Variants in ZMYND8 observed in about 807,000 individuals in gnomAD.
ZMYND8 encodes MYND-type zinc finger-containing chromatin reader ZMYND8.
A neutral mutation model predicts 140.8 loss-of-function variants in ZMYND8; 37 were observed. That is an observed-to-expected ratio of 0.26 (90% CI 0.20 to 0.35). ZMYND8 has a LOEUF of 0.35. Ranked by LOEUF, ZMYND8 falls within the 10% of genes least tolerant of loss-of-function variation. The pLI is 1.00. For missense variants in ZMYND8, 1,068 were observed against 1,570.0 expected, an observed-to-expected ratio of 0.68 and a Z score of 5.40; for synonymous variants, 592 against 597.1, an observed-to-expected ratio of 0.99 and a Z score of 0.12.
At chr20:47,249,590 G>T in intron 12 of ZMYND8, 151 bp from the exon 13 acceptor site, 1 of 1,094,338 alleles carries the variant, frequency 9.1e-7, no homozygotes. Flanking sequence ...AATATCATCT[G>T]CTCAACCAAA....
chr20:47,232,279 C>T (rs867437768), intron 16 of ZMYND8, among the ~76,000 whole-genome samples: 16 of 152,138 alleles, frequency 1.1e-4, no homozygotes, highest in East Asian at 3.9e-4. Context: ...GAAGGTGAGG[C>T]GAGAGAATCG....
chr20:47,238,800 A>G lies in ZMYND8; in HGVS notation c.2623T>C (p.Ser875Pro), dbSNP rs1173047586. ...QQQNQQQQPQ[S>P]SQGTRYQTRQ... The stretch of plus-strand genomic sequence containing the variant: ...GTCTGATATCTCGTCCCCTGGGAAG[A>G]CTGAGGCTGCTGCTGCTGGTTTTGC... The change falls in exon 15 of 23, where the codon TCT becomes CCT. Residue 875 changes from serine to proline, a missense_variant. Ser to Pro is a moderately conservative substitution (Grantham distance 74). Around this residue, in one of 10 missense-constraint regions of ZMYND8, gnomAD observed 383 missense variants for 431.2 expected, o/e 0.89. Coordinates refer to ENST00000471951, the MANE Select transcript of ZMYND8 (RefSeq NM_001281775.3). The G allele has an allele frequency of 6.2e-7, 1 of 1,612,444 alleles. No homozygotes were observed. Among genetic ancestry groups the G allele is most frequent in the Admixed American group, 1.7e-5 (1 of 59,972 alleles).
Position 47,239,069 on chromosome 20 carries a change from C to A in ZMYND8, c.2354G>T (p.Arg785Leu). ...HSPPETPVLT[R>L]SSAQTSAAGA... ...AGCCGCGGAAGTTTGGGCGGAAGAG[C>A]GGGTGAGCACCGGTGTTTCCGGGGG... Residue 785 changes from arginine (R) to leucine (L), a missense_variant, in exon 15 of 23, where the codon CGC becomes CTC. This residue lies in a region of ZMYND8 where 383 missense variants were observed against 431.2 expected (regional missense o/e 0.89). Coordinates refer to ENST00000471951, the MANE Select transcript of ZMYND8 (RefSeq NM_001281775.3). 1 of 1,555,044 alleles carries A rather than the reference C, an allele frequency of 6.4e-7. No homozygotes were observed.
chr20:47,326,635 G>T (rs1209378405), intron 2 of ZMYND8, among the ~76,000 whole-genome samples: 1 of 152,118 alleles, frequency 6.6e-6, no homozygotes, highest in South Asian at 2.1e-4. Flanking sequence ...CTCCCTCTGG[G>T]TTCTCCAAGT....
intron 16 of ZMYND8, among the ~76,000 whole-genome samples, chr20:47,230,797 CA>C (rs1249057093): frequency 1.3e-5 from 2 of 152,028 alleles, no homozygotes; most frequent in Non-Finnish European, 2.9e-5. Flanking sequence ...TTCATTACCC[CA>C]AAAAGAAAAT....
At chr20:47,334,509 G>A (rs2081227044) in intron 2 of ZMYND8, among the ~76,000 whole-genome samples, 1 of 151,698 alleles carries the variant, frequency 6.6e-6, no homozygotes, top group Non-Finnish European at 1.5e-5. Context: ...CGGGGGAATG[G>A]GAAGTGACTG....
chr20:47,272,131 G>T (rs1397509532), intron 11 of ZMYND8, among the ~76,000 whole-genome samples: 1 of 151,668 alleles, frequency 6.6e-6, no homozygotes, highest in African/African-American at 2.4e-5. Context: ...AGGCTGGAGT[G>T]CAGTGGTGCG....
At chr20:47,231,098 T>C (rs1420815490) in intron 16 of ZMYND8, among the ~76,000 whole-genome samples, 1 of 152,190 alleles carries the variant, frequency 6.6e-6, no homozygotes, top group Non-Finnish European at 1.5e-5. Context: ...TTTAACTATC[T>C]GACCCCTGAA....
intron 1 of ZMYND8, 176 bp from the exon 2 acceptor site, chr20:47,348,102 G>T: frequency 1.5e-6 from 1 of 649,128 alleles, no homozygotes; most frequent in Non-Finnish European, 2.7e-6. Flanking sequence ...TCCTAAAGGA[G>T]TTTTTTAAAA....
chr20:47,254,968 AC>A (rs2074478716), intron 12 of ZMYND8, among the ~76,000 whole-genome samples: 1 of 151,652 alleles, frequency 6.6e-6, no homozygotes, highest in African/African-American at 2.4e-5. Flanking sequence ...CTCTACTAAA[AC>A]CCCATCTCTA....
At position 47,334,501 on chromosome 20, in the gene ZMYND8, G is replaced by A. The variant is rs553265295; in HGVS notation, c.85+13355C>T. Among the ~76,000 whole-genome samples, 505 of 152,012 alleles carry A rather than the reference G, an allele frequency of 3.3e-3. 3 individuals are homozygous for A. Among genetic ancestry groups the A allele is most frequent in the African/African-American group, 0.012 (494 of 41,416 alleles). On this transcript the variant is annotated intron_variant, in intron 2 of 22. Transcript: ENST00000471951. ...GTACTTGCCAGGCACAGGGGTAACG[G>A]GGGAATGGGAAGTGACTGCTAATGA...
chr20:47,224,710 T>G (rs1406493241), intron 18 of ZMYND8, among the ~76,000 whole-genome samples, 154 bp from the exon 19 acceptor site: 1 of 152,178 alleles, frequency 6.6e-6, no homozygotes, highest in Non-Finnish European at 1.5e-5. Context: ...GCCCGAGTCT[T>G]CATCTGTAAA....
chr20:47,276,215 ATTGCTTGAT>A, intron 11 of ZMYND8, 90 bp downstream of exon 11: 1 of 1,413,306 alleles, frequency 7.1e-7, no homozygotes, highest in South Asian at 1.9e-5. Flanking sequence ...GTTCCCCACG[ATTGCTTGAT>A]GCTCACCTGC....
At chr20:47,257,845 T>C (rs1020637444) in intron 12 of ZMYND8, among the ~76,000 whole-genome samples, 1 of 152,070 alleles carries the variant, frequency 6.6e-6, no homozygotes, top group Admixed American at 6.6e-5. Flanking sequence ...CTGGCCCAAA[T>C]AGAGTTTTGG....
At chr20:47,337,315 A>G (rs2081464399) in intron 2 of ZMYND8, among the ~76,000 whole-genome samples, 1 of 152,118 alleles carries the variant, frequency 6.6e-6, no homozygotes, top group South Asian at 2.1e-4. Context: ...TAGGCACTCC[A>G]GCCTGGGTGA....
intron 16 of ZMYND8, among the ~76,000 whole-genome samples, chr20:47,230,587 T>A (rs1009662664): frequency 1.3e-5 from 2 of 152,066 alleles, no homozygotes; most frequent in African/African-American, 4.8e-5. Flanking sequence ...GACCCCCAGA[T>A]GTCTTTTATT....
intron 7 of ZMYND8, among the ~76,000 whole-genome samples, chr20:47,288,750 G>A (rs140896843): frequency 1.6e-3 from 243 of 152,264 alleles, no homozygotes; most frequent in African/African-American, 5.4e-3. Flanking sequence ...TCTCAGCCCT[G>A]CTATAGTTAG....
At chr20:47,295,736 GA>G (rs1304355896) in intron 4 of ZMYND8, among the ~76,000 whole-genome samples, 2 of 152,164 alleles carry the variant, frequency 1.3e-5, no homozygotes, top group Non-Finnish European at 2.9e-5. Flanking sequence ...GCTCCTAAGG[GA>G]AATTCCCATC....
intron 12 of ZMYND8, among the ~76,000 whole-genome samples, chr20:47,259,854 CA>C (rs2075027587): frequency 6.6e-6 from 1 of 152,150 alleles, no homozygotes; most frequent in Non-Finnish European, 1.5e-5. Flanking sequence ...ATCACCCCCT[CA>C]AAGTCATTTC....
Sources: allele counts gnomAD v4.1 joint callset (sites outside exome capture counted in the v4.1 genomes callset), GRCh38; gene constraint gnomAD v4.1.1; regional missense constraint gnomAD v4.1.1; transcripts MANE v1.5; gene names NCBI Gene and HGNC (gene_info 2026-07-23, HGNC 2026-07-21).